Variants in FER1L6 observed in about 807,000 individuals in gnomAD.
FER1L6 encodes fer-1 like family member 6, also known as fer-1-like protein 6.
Under a neutral mutation model 219.2 loss-of-function variants are expected in FER1L6, and 177 were observed. The observed-to-expected ratio is 0.81, with a 90% CI of 0.71 to 0.91. FER1L6 has a LOEUF of 0.91. Among genes scored for constraint, FER1L6 ranks in the 40% least tolerant of loss-of-function variants. The probability of loss-of-function intolerance (pLI) is 0.00; values close to 1 mark genes in which losing one functional copy is unlikely to be tolerated. For synonymous variants in FER1L6, 768 were observed against 824.3 expected (o/e 0.93, Z 1.17); for missense variants, 2,153 against 2,259.9 (o/e 0.95, Z 0.96).
chr8:123,864,117 A>T (rs1239382630), intron 1 of FER1L6, among the ~76,000 whole-genome samples: 2 of 149,418 alleles, frequency 1.3e-5, no homozygotes, highest in Admixed American at 1.3e-4. Context: ...AGCGGCTGGT[A>T]CCGGTTGTTC....
intron 1 of FER1L6, among the ~76,000 whole-genome samples, chr8:123,944,710 C>G (rs898875919): frequency 6.6e-6 from 1 of 152,130 alleles, no homozygotes; most frequent in African/African-American, 2.4e-5. Context: ...ATATGAGGTA[C>G]AGGGTAACCA....
chr8:124,045,342 C>T (rs1819679188), intron 20 of FER1L6, among the ~76,000 whole-genome samples: 1 of 152,194 alleles, frequency 6.6e-6, no homozygotes, highest in African/African-American at 2.4e-5. Flanking sequence ...CCTCAGTTTC[C>T]TGATCTGTAA....
chr8:124,039,411 C>CCACATGCACACACATGCA (rs1554636885), intron 19 of FER1L6, among the ~76,000 whole-genome samples: 9 of 152,030 alleles, frequency 5.9e-5, no homozygotes, highest in Non-Finnish European at 8.8e-5. Flanking sequence ...CCACACATGC[C>CCACATGCACACACATGCA]CACATGCACA....
intron 1 of FER1L6, among the ~76,000 whole-genome samples, chr8:123,877,941 A>G (rs6470198): frequency 0.75 from 114,493 of 151,958 alleles, 43,223 homozygotes; most frequent in South Asian, 0.86. Flanking sequence ...AAAAGGGGTG[A>G]GGGTTGGGGA....
chr8:124,027,076 T>A (rs1033449425), intron 18 of FER1L6, among the ~76,000 whole-genome samples: 1 of 152,196 alleles, frequency 6.6e-6, no homozygotes. Flanking sequence ...TCCCTTCATA[T>A]GATATTATTT....
intron 22 of FER1L6, among the ~76,000 whole-genome samples, chr8:124,059,429 TTC>T (rs1820458995): frequency 2.0e-5 from 3 of 152,200 alleles, no homozygotes; most frequent in Admixed American, 2.0e-4. Context: ...CAGAAAAAGC[TTC>T]TTTTATTTTT....
intron 1 of FER1L6, among the ~76,000 whole-genome samples, chr8:123,888,574 C>T (rs1335299964): frequency 1.3e-5 from 2 of 152,192 alleles, no homozygotes; most frequent in Non-Finnish European, 2.9e-5. Flanking sequence ...TGATCTTCTT[C>T]TCTGGTACTG....
chr8:124,004,655 C>T (rs1270281158), intron 13 of FER1L6, among the ~76,000 whole-genome samples: 1 of 152,038 alleles, frequency 6.6e-6, no homozygotes, highest in African/African-American at 2.4e-5. Flanking sequence ...CCCTATTTTT[C>T]CTATCTCTCA....
At chr8:123,916,655 T>C (rs891494705) in intron 1 of FER1L6, among the ~76,000 whole-genome samples, 2 of 152,138 alleles carry the variant, frequency 1.3e-5, no homozygotes, top group African/African-American at 4.8e-5. Context: ...ACCCTTTTAG[T>C]GTTGTGGAGG....
At chr8:124,099,747 T>G (rs1822472813) in intron 37 of FER1L6, among the ~76,000 whole-genome samples, 1 of 152,148 alleles carries the variant, frequency 6.6e-6, no homozygotes, top group Non-Finnish European at 1.5e-5. Flanking sequence ...CCTTAATACA[T>G]CCTAAAATAT....
intron 1 of FER1L6, among the ~76,000 whole-genome samples, chr8:123,886,011 A>G (rs566614215): frequency 1.3e-5 from 2 of 152,278 alleles, no homozygotes; most frequent in East Asian, 1.9e-4. Context: ...ACTTCTTCAC[A>G]TGAGTAAACT....
At chr8:124,033,334 G>C (rs1819053189) in intron 18 of FER1L6, among the ~76,000 whole-genome samples, 1 of 151,968 alleles carries the variant, frequency 6.6e-6, no homozygotes, top group Non-Finnish European at 1.5e-5. Context: ...ATAATCTTAG[G>C]CTTTCAATAC....
chr8:123,898,848 TACACAC>T (rs147446907), intron 1 of FER1L6, among the ~76,000 whole-genome samples: 37 of 143,246 alleles, frequency 2.6e-4, no homozygotes, highest in African/African-American at 4.6e-4. Context: ...CATACATATA[TACACAC>T]ACACACACAC....
rs1819913077 is a variant in FER1L6, at chr8:124,049,690, C to T, written c.2808C>T (p.Cys936=). The stretch of plus-strand genomic sequence containing the variant: ...AGGACTATGAGCCCCCCAGGTTATG[C>T]TATCACCCCATCTTTTGTGGGAATC... ...ADQDYEPPRL[C]YHPIFCGNLS... Residue 936 remains cysteine, a synonymous_variant, in exon 22 of 41, where the codon TGC becomes TGT. Coordinates refer to ENST00000522917, the MANE Select transcript of FER1L6 (RefSeq NM_001039112.2). 2 of 1,614,046 alleles carry T rather than the reference C, an allele frequency of 1.2e-6. No homozygotes were observed. Among genetic ancestry groups the T allele is most frequent in the Non-Finnish European group, 1.7e-6 (2 of 1,179,962 alleles).
chr8:123,857,331 C>T (rs1816665388), intron 1 of FER1L6, among the ~76,000 whole-genome samples: 1 of 152,074 alleles, frequency 6.6e-6, no homozygotes, highest in African/African-American at 2.4e-5. Flanking sequence ...GTGACAGAGA[C>T]TCCATATCTA....
At chr8:123,972,593 C>T (rs1023160253) in intron 6 of FER1L6, among the ~76,000 whole-genome samples, 9 of 152,164 alleles carry the variant, frequency 5.9e-5, no homozygotes, top group Non-Finnish European at 1.0e-4. Flanking sequence ...AAGCTCATTC[C>T]ATTGCTGGGA....
chr8:123,969,885 A>AAAAC, intron 5 of FER1L6, 150 bp from the exon 6 acceptor site: 15 of 531,152 alleles, frequency 2.8e-5, no homozygotes, highest in South Asian at 4.5e-5. Flanking sequence ...AAAAAAAAAA[A>AAAAC]AGAGAATTGA....
chr8:124,045,651 G>A, intron 20 of FER1L6, 116 bp from the exon 21 acceptor site: 1 of 1,113,624 alleles, frequency 9.0e-7, no homozygotes, highest in Non-Finnish European at 1.3e-6. Context: ...TGAATGGTGA[G>A]CAATCACAAT....
At chr8:124,093,239 C>T (rs181518469) in intron 34 of FER1L6, among the ~76,000 whole-genome samples, 87 of 152,118 alleles carry the variant, frequency 5.7e-4, no homozygotes, top group African/African-American at 2.0e-3. Flanking sequence ...GTCACCTTCC[C>T]ACCAGTCCCT....
Sources: allele counts gnomAD v4.1 joint callset (sites outside exome capture counted in the v4.1 genomes callset), GRCh38; gene constraint gnomAD v4.1.1; transcripts MANE v1.5; gene names NCBI Gene and HGNC (gene_info 2026-07-23, HGNC 2026-07-21).